Variants in MED6 observed in about 807,000 individuals in gnomAD.
The protein encoded by MED6 is mediator of RNA polymerase II transcription subunit 6.
A neutral mutation model predicts 37.5 loss-of-function variants in MED6; 33 were observed. The observed-to-expected ratio is 0.88, with a 90% CI of 0.67 to 1.18. MED6 has a LOEUF of 1.18. Ranked by LOEUF, MED6 falls within the 50% of genes most tolerant of loss-of-function variation. MED6 has a pLI of 0.00. For missense variants in MED6, 235 were observed against 290.6 expected, an observed-to-expected ratio of 0.81 and a Z score of 1.39; for synonymous variants, 94 against 93.6, an observed-to-expected ratio of 1.00 and a Z score of -0.02.
At chr14:70,593,399 G>A in intron 3 of MED6, 21 bp from the exon 4 acceptor site, 2 of 1,568,708 alleles carry the variant, frequency 1.3e-6, no homozygotes, top group Non-Finnish European at 1.8e-6. Context: ...GGGAAAAAAG[G>A]TTTATAAATA....
chr14:70,595,652 G>A, intron 3 of MED6: 1 of 954,612 alleles, frequency 1.0e-6, no homozygotes, highest in Non-Finnish European at 1.6e-6. Flanking sequence ...TCAAGGTCAA[G>A]CTGTAGGCTG....
At chr14:70,596,408 CCTTA>C (rs1885047639) in intron 3 of MED6, 199 bp downstream of exon 3, 2 of 480,422 alleles carry the variant, frequency 4.2e-6, no homozygotes, top group Non-Finnish European at 7.5e-6. Flanking sequence ...GGCTGCGTAC[CCTTA>C]CTGTGTTGTC....
intron 3 of MED6, chr14:70,595,437 G>T: frequency 5.1e-6 from 3 of 586,794 alleles, no homozygotes; most frequent in South Asian, 4.9e-5. Flanking sequence ...GGAGCTGAGA[G>T]GTACGGTCCA....
At chr14:70,591,411 A>G in intron 5 of MED6, 30 bp from the exon 6 acceptor site, 1 of 1,526,568 alleles carries the variant, frequency 6.6e-7, no homozygotes, top group Non-Finnish European at 9.0e-7. Flanking sequence ...AAATCAAAAC[A>G]TTGCCTACTT....
At chr14:70,585,421 T>C (rs555607231) in intron 7 of MED6, among the ~76,000 whole-genome samples, 1 of 152,184 alleles carries the variant, frequency 6.6e-6, no homozygotes, top group Non-Finnish European at 1.5e-5. Context: ...TCTCAAAGAT[T>C]AAGAGTAAAA....
intron 3 of MED6, 137 bp downstream of exon 3, chr14:70,596,474 C>CGA (rs2139602483): frequency 1.7e-6 from 1 of 605,870 alleles, no homozygotes; most frequent in African/African-American, 1.8e-5. Context: ...GGTGAGTCCT[C>CGA]CAGCATAGTA....
At chr14:70,590,341 G>T (rs1884831659) in intron 6 of MED6, among the ~76,000 whole-genome samples, 1 of 152,132 alleles carries the variant, frequency 6.6e-6, no homozygotes, top group South Asian at 2.1e-4. Flanking sequence ...AACAGACTAT[G>T]TTCCATCTTC....
chr14:70,583,409 G>A lies in MED6; in HGVS notation c.*1404C>T, dbSNP rs369630350. ...CTAAAAACATAAATGACAAAATTCA[G>A]TGGTAGCAATTCTGGAAAACCTGAT... is the stretch of plus-strand genomic sequence containing the variant. On this transcript the variant is annotated 3_prime_UTR_variant, in exon 8 of 8. Coordinates refer to ENST00000256379, the MANE Select transcript of MED6 (RefSeq NM_005466.4). The A allele has an allele frequency of 6.6e-6, 1 of 152,178 alleles. No homozygotes were observed. The highest frequency in any genetic ancestry group is 6.5e-5 in the Admixed American group (1 of 15,284). The allele number at this position is 152,178 out of a possible 1,614,324, so 9.4% of individuals were successfully genotyped here.
chr14:70,593,193 T>C (rs1046127517), intron 4 of MED6, 103 bp downstream of exon 4: 3 of 1,254,006 alleles, frequency 2.4e-6, no homozygotes, highest in African/African-American at 1.5e-5. Flanking sequence ...GTCAATACTT[T>C]ATAGCAACTT....
At position 70,583,498 on chromosome 14, in the gene MED6, A is replaced by G. The variant is rs568298819; in HGVS notation, c.*1315T>C. ...CCAACATTTTGAGGAACAACTTAGC[A>G]ATATGGACTAAGAGCAATAAAAATG... is the stretch of plus-strand genomic sequence containing the variant. On this transcript the variant is annotated 3_prime_UTR_variant, in exon 8 of 8. Coordinates refer to ENST00000256379, the MANE Select transcript of MED6 (RefSeq NM_005466.4). The G allele has an allele frequency of 6.6e-6, 1 of 152,320 alleles. No homozygotes were observed. The highest frequency in any genetic ancestry group is 2.1e-4 in the South Asian group (1 of 4,828). The allele number at this position is 152,320 out of a possible 1,614,324, so 9.4% of individuals were successfully genotyped here.
chr14:70,587,853 C>A (rs1884755401), intron 6 of MED6, among the ~76,000 whole-genome samples: 1 of 152,204 alleles, frequency 6.6e-6, no homozygotes, highest in Admixed American at 6.5e-5. Flanking sequence ...AAACTCTCAT[C>A]ACATCAGTAT....
In MED6 at chr14:70,583,275, G is replaced by C. The variant is rs1381823687; in HGVS notation, c.*1538C>G. ...ATTATGTCAAAATAAGAAGTTGAAA[G>C]ACAAAAATCTCACACAATACATAAA... is the stretch of plus-strand genomic sequence containing the variant. On this transcript the variant is annotated 3_prime_UTR_variant, in exon 8 of 8. Coordinates refer to ENST00000256379, the MANE Select transcript of MED6 (RefSeq NM_005466.4). 8 of 152,096 alleles carry C rather than the reference G, an allele frequency of 5.3e-5. No individual in the cohort carries two copies. The allele number at this position is 152,096 out of a possible 1,614,324, so 9.4% of individuals were successfully genotyped here.
intron 1 of MED6, among the ~76,000 whole-genome samples, chr14:70,598,667 ATAT>A (rs1174357556): frequency 6.6e-6 from 1 of 152,190 alleles, no homozygotes; most frequent in African/African-American, 2.4e-5. Context: ...AATATAAAGT[ATAT>A]TATATCTTTA....
chr14:70,589,964 C>T (rs1884821748), intron 6 of MED6, among the ~76,000 whole-genome samples: 2 of 152,194 alleles, frequency 1.3e-5, no homozygotes, highest in African/African-American at 2.4e-5. Context: ...TTTCTTGTCA[C>T]ATTTTTAAAA....
Position 70,585,761 on chromosome 14 carries a change from ACAGGCTTTTCTC to A in MED6, c.593_604del (p.Gly198_Pro201del), listed in dbSNP as rs758306821. On this transcript the variant is annotated inframe_deletion, in exon 7 of 8. Transcript: ENST00000256379. ...GAATATTACATGAACCATACCTGGA[ACAGGCTTTTCTC>A]CAGGCTTTAGCTATAATTTTTTAGA... 6.2e-7 allele frequency: 1 copy of A among 1,602,254 alleles called. No homozygotes were observed. Among genetic ancestry groups the A allele is most frequent in the African/African-American group, 1.3e-5 (1 of 74,320 alleles).
rs748133391 is a variant in MED6 at position 70,593,370 on chromosome 14, G to A, written c.283C>T (p.Leu95=). 1 of 1,612,820 alleles carries A rather than the reference G, an allele frequency of 6.2e-7. No homozygotes were observed. Among genetic ancestry groups the A allele is most frequent in the East Asian group, 2.2e-5 (1 of 44,850 alleles). ...CCAGCAATGATATAGTAATCAGCTAGTGGGATAACTAAAACAGTGGGAAAA... is the reference window on the plus strand; with the variant it reads ...CCAGCAATGATATAGTAATCAGCTAATGGGATAACTAAAACAGTGGGAAAA... ...QRQSPAQVIP[L]ADYYIIAGVI... Residue 95 remains leucine (L), a synonymous_variant, in exon 4 of 8, where the codon CTA becomes TTA. Coordinates refer to ENST00000256379, the MANE Select transcript of MED6 (RefSeq NM_005466.4).
chr14:70,595,120 G>A, intron 3 of MED6: 1 of 517,716 alleles, frequency 1.9e-6, no homozygotes, highest in South Asian at 1.5e-5. Context: ...CAAGGTCAAT[G>A]ACACCAGTGT....
intron 1 of MED6, among the ~76,000 whole-genome samples, chr14:70,600,103 A>AC (rs1676797640): frequency 6.6e-6 from 1 of 151,848 alleles, no homozygotes; most frequent in Admixed American, 6.6e-5. Context: ...AAAAAATACG[A>AC]CCCCTGCCCA....
chr14:70,599,811 G>T (rs1215136706), intron 1 of MED6, among the ~76,000 whole-genome samples: 1 of 152,026 alleles, frequency 6.6e-6, no homozygotes, highest in Non-Finnish European at 1.5e-5. Flanking sequence ...AGCAAGTGAT[G>T]AAATAAATAA....
Sources: allele counts gnomAD v4.1 joint callset (sites outside exome capture counted in the v4.1 genomes callset), GRCh38; gene constraint gnomAD v4.1.1; transcripts MANE v1.5; gene names NCBI Gene and HGNC (gene_info 2026-07-23, HGNC 2026-07-21).